UGT1A3: variants seen among roughly 807,000 people sequenced by gnomAD.
UGT1A3 encodes UDP glucuronosyltransferase family 1 member A3.
Under a neutral mutation model 41.0 loss-of-function variants are expected in UGT1A3, and 31 were observed. The observed-to-expected ratio is 0.76, with a 90% CI of 0.57 to 1.02. UGT1A3 has a LOEUF of 1.02. Among genes scored for constraint, UGT1A3 ranks in the 50% least tolerant of loss-of-function variants. The pLI, the probability that UGT1A3 is intolerant of heterozygous loss-of-function variation, is 0.00. For missense variants in UGT1A3, 737 were observed against 671.0 expected (o/e 1.10, Z -1.09); for synonymous variants, 262 against 257.6 (o/e 1.02, Z -0.17).
chr2:233,760,356 G>A (rs1414123680), intron 1 of UGT1A3: 1 of 1,613,940 alleles, frequency 6.2e-7, no homozygotes, highest in Non-Finnish European at 8.5e-7. Context: ...TGGGCCCAGT[G>A]GTGTCCCATG....
intron 1 of UGT1A3, among the ~76,000 whole-genome samples, chr2:233,757,571 A>T (rs112550375): frequency 1.3e-5 from 1 of 77,332 alleles, no homozygotes; most frequent in African/African-American, 6.0e-5. Context: ...TGTATATATG[A>T]TATAGCTATA....
intron 1 of UGT1A3, among the ~76,000 whole-genome samples, chr2:233,753,927 T>C (rs943116990): frequency 6.6e-6 from 1 of 152,224 alleles, no homozygotes; most frequent in Non-Finnish European, 1.5e-5. Flanking sequence ...CTCAGTGATA[T>C]GGGATTCAAA....
chr2:233,734,383 T>C (rs1334676170), intron 1 of UGT1A3, among the ~76,000 whole-genome samples: 1 of 152,214 alleles, frequency 6.6e-6, no homozygotes, highest in African/African-American at 2.4e-5. Context: ...GCCTTTACTA[T>C]TTTTTATTGC....
intron 1 of UGT1A3, chr2:233,754,831 A>G (rs1459496565): frequency 1.5e-6 from 2 of 1,342,814 alleles, no homozygotes; most frequent in Non-Finnish European, 2.0e-6. Flanking sequence ...AAAGCTGGAA[A>G]TTCACTGAAG....
Position 233,769,204 on chromosome 2 carries a change from CA to C in UGT1A3, c.1307+766del, listed in dbSNP as rs1195031897. 1.3e-5 allele frequency among the ~76,000 whole-genome samples: 2 copies of C among 152,164 alleles called. No individual in the cohort carries two copies. The highest frequency in any genetic ancestry group is 4.8e-5 in the African/African-American group (2 of 41,440). ...TGAATGAAGGAGCTATAAGATATCA[CA>C]GACAAAGTCTTAGAATAAGAGCAAA... On this transcript the variant is annotated intron_variant, in intron 4 of 4. Transcript: ENST00000482026. This position sits in a 1 kb window ranked among gnomAD's most constrained non-coding sequence, Gnocchi z 4.4.
chr2:233,772,695 T>C lies in UGT1A3; in HGVS notation c.*136T>C. ...ATAAATTAATCAGCCCCAGAGTGCT[T>C]TAAAAAATTCTCTTAAATAAAAATA... is the stretch of plus-strand genomic sequence containing the variant. On this transcript the variant is annotated 3_prime_UTR_variant, in exon 5 of 5. Coordinates refer to ENST00000482026, the MANE Select transcript of UGT1A3 (RefSeq NM_019093.4). 2 of 1,484,740 alleles carry C rather than the reference T, an allele frequency of 1.3e-6. No individual in the cohort carries two copies. Among genetic ancestry groups the C allele is most frequent in the South Asian group, 2.7e-5 (2 of 74,364 alleles). The allele number at this position is 1,484,740 out of a possible 1,614,324, so 92.0% of individuals were successfully genotyped here. A position where few individuals can be genotyped will look rare whatever the true frequency, so the allele number is the denominator to read the frequency against.
chr2:233,743,224 A>G (rs397839834), intron 1 of UGT1A3: 25 of 414,132 alleles, frequency 6.0e-5, no homozygotes, highest in Middle Eastern at 7.1e-4. Context: ...GCTCTTTGCT[A>G]TTTATTATGA....
chr2:233,762,094 T>A (rs1389988044), intron 1 of UGT1A3, among the ~76,000 whole-genome samples: 1 of 152,214 alleles, frequency 6.6e-6, no homozygotes, highest in African/African-American at 2.4e-5. Context: ...CTTAGATAGT[T>A]GTTGATTGTC....
intron 1 of UGT1A3, among the ~76,000 whole-genome samples, chr2:233,742,120 G>T (rs910307834): frequency 7.9e-5 from 12 of 151,826 alleles, no homozygotes; most frequent in Admixed American, 6.5e-5. Flanking sequence ...CAGCTTGGTC[G>T]TGGAGACCCT....
chr2:233,772,462 T>C lies in UGT1A3; in HGVS notation c.1508T>C (p.Val503Ala), dbSNP rs752117935. The C allele has an allele frequency of 6.2e-7, 1 of 1,614,170 alleles. No homozygotes were observed. Among genetic ancestry groups the C allele is most frequent in the South Asian group, 1.1e-5 (1 of 91,082 alleles). ...TTCCTCTTGGCCGTCGTGCTGACAG[T>C]GGCCTTCATCACCTTTAAATGTTGT... is the stretch of plus-strand genomic sequence containing the variant. ...IGFLLAVVLTVAFITFKCCAY... is the reference protein window; with the variant it reads ...IGFLLAVVLTAAFITFKCCAY... Residue 503 changes from valine to alanine, a missense_variant, in exon 5 of 5, where the codon GTG becomes GCG. Physicochemically the swap from Val to Ala is moderately conservative, Grantham distance 64. Transcript: ENST00000482026.
At chr2:233,758,716 G>T (rs905449123) in intron 1 of UGT1A3, among the ~76,000 whole-genome samples, 10 of 152,140 alleles carry the variant, frequency 6.6e-5, no homozygotes, top group African/African-American at 2.4e-4. Context: ...GTTTCTCTAT[G>T]ATCCTCTAAG....
intron 1 of UGT1A3, among the ~76,000 whole-genome samples, chr2:233,750,204 T>G: frequency 6.6e-6 from 1 of 151,878 alleles, no homozygotes; most frequent in East Asian, 1.9e-4. Context: ...AAGTCCAGGC[T>G]GAGTCTCAGA....
intron 1 of UGT1A3, among the ~76,000 whole-genome samples, chr2:233,732,493 G>T (rs141356640): frequency 1.3e-5 from 2 of 152,178 alleles, no homozygotes; most frequent in Admixed American, 6.5e-5. Flanking sequence ...TGTATAAGGC[G>T]TAAGGAAGGG....
chr2:233,738,092 G>A (rs994009191), intron 1 of UGT1A3, among the ~76,000 whole-genome samples: 1 of 152,196 alleles, frequency 6.6e-6, no homozygotes, highest in African/African-American at 2.4e-5. Context: ...ATCATAGTGA[G>A]TGAGTTCTTA....
At chr2:233,747,140 A>G (rs1693571344) in intron 1 of UGT1A3, 1 of 1,552,350 alleles carries the variant, frequency 6.4e-7, no homozygotes, top group Admixed American at 1.8e-5. Context: ...GTGACAAGGT[A>G]ATTAAGATGA....
chr2:233,747,892 T>C, intron 1 of UGT1A3: 9 of 1,613,604 alleles, frequency 5.6e-6, no homozygotes, highest in Non-Finnish European at 6.8e-6. Flanking sequence ...TGCCATGCTC[T>C]TTCTGCTCCT....
At chr2:233,756,026 C>T (rs573577160) in intron 1 of UGT1A3, 1 of 152,204 alleles carries the variant, frequency 6.6e-6, no homozygotes, top group Non-Finnish European at 1.5e-5. Context: ...TACACATCCC[C>T]CATGTAGCTT....
At chr2:233,756,805 G>A (rs1176135462) in intron 1 of UGT1A3, among the ~76,000 whole-genome samples, 2 of 151,978 alleles carry the variant, frequency 1.3e-5, no homozygotes, top group South Asian at 2.1e-4. Context: ...CACTAGTAAA[G>A]GTCACTCAAT....
At chr2:233,732,140 G>A (rs1172524883) in intron 1 of UGT1A3, among the ~76,000 whole-genome samples, 1 of 135,546 alleles carries the variant, frequency 7.4e-6, no homozygotes, top group African/African-American at 2.8e-5. Flanking sequence ...TTGTTTGTTT[G>A]TTTTTTTTCT....
Sources: allele counts gnomAD v4.1 joint callset (sites outside exome capture counted in the v4.1 genomes callset), GRCh38; gene constraint gnomAD v4.1.1; non-coding constraint Gnocchi (gnomAD v3.1); transcripts MANE v1.5; gene names NCBI Gene and HGNC (gene_info 2026-07-23, HGNC 2026-07-21).